GPC5: variants seen among roughly 807,000 people sequenced by gnomAD.
GPC5 encodes the protein glypican 5.
Under a neutral mutation model 53.9 loss-of-function variants are expected in GPC5, and 47 were observed. The ratio of observed to expected loss-of-function variants is 0.87; its 90% CI spans 0.69 to 1.11. GPC5 has a LOEUF of 1.11. Ranked by LOEUF, GPC5 falls within the 50% of genes most tolerant of loss-of-function variation. GPC5 has a pLI of 0.00. For synonymous variants in GPC5, 286 were observed against 263.3 expected (o/e 1.09, Z -0.84); for missense variants, 748 against 713.1 (o/e 1.05, Z -0.56).
intron 6 of GPC5, among the ~76,000 whole-genome samples, chr13:92,084,532 A>G (rs1378717384): frequency 6.6e-6 from 1 of 152,184 alleles, no homozygotes; most frequent in Non-Finnish European, 1.5e-5. Flanking sequence ...AAATATAACC[A>G]GGCTAAGAGC....
chr13:91,528,365 A>T (rs1195455421), intron 2 of GPC5, among the ~76,000 whole-genome samples: 1 of 152,196 alleles, frequency 6.6e-6, no homozygotes, highest in Non-Finnish European at 1.5e-5. Context: ...TCTAGGGTAG[A>T]GGCAAAATGC....
rs1323023652 is a variant in GPC5, at chr13:91,478,822, T to TATATATACACAC, written c.325+29901_325+29902insTATATACACACA. ...ATATATATATATATATATATATATA[T>TATATATACACAC]ACACACACACACATATATATACACA... On this transcript the variant is annotated intron_variant, in intron 2 of 7. Transcript: ENST00000377067. 4.7e-4 allele frequency among the ~76,000 whole-genome samples: 43 copies of TATATATACACAC among 92,164 alleles called. 4 individuals carry two copies. Among genetic ancestry groups the TATATATACACAC allele is most frequent in the Middle Eastern group, 6.2e-3 (1 of 162 alleles). 60.5% of individuals were successfully genotyped at this position (92,164 alleles called of 152,430 possible).
intron 2 of GPC5, among the ~76,000 whole-genome samples, chr13:91,520,311 C>T (rs1452773036): frequency 2.0e-5 from 3 of 152,132 alleles, no homozygotes; most frequent in African/African-American, 7.2e-5. Flanking sequence ...CATGTATCAC[C>T]TTGGCTAGTT....
chr13:91,832,916 G>A (rs950437354), intron 5 of GPC5, among the ~76,000 whole-genome samples: 1 of 152,016 alleles, frequency 6.6e-6, no homozygotes, highest in Non-Finnish European at 1.5e-5. Context: ...AGGAGATAGA[G>A]ACACGAAAAA....
chr13:91,677,454 C>A (rs1331929229), intron 2 of GPC5, among the ~76,000 whole-genome samples: 1 of 152,052 alleles, frequency 6.6e-6, no homozygotes, highest in Non-Finnish European at 1.5e-5. Flanking sequence ...CAATTGGGCA[C>A]TGAGAAAGGT....
intron 7 of GPC5, among the ~76,000 whole-genome samples, chr13:92,427,991 A>G (rs1246285139): frequency 5.9e-5 from 9 of 152,172 alleles, no homozygotes. Flanking sequence ...GTTTTCAGAC[A>G]GCCTGTATCA....
At chr13:91,578,619 AT>A (rs1320569917) in intron 2 of GPC5, among the ~76,000 whole-genome samples, 1 of 151,444 alleles carries the variant, frequency 6.6e-6, no homozygotes, top group African/African-American at 2.4e-5. Flanking sequence ...TTAAATTTTC[AT>A]TTGTTTCTAG....
chr13:92,162,846 G>A (rs1441943835), intron 7 of GPC5, among the ~76,000 whole-genome samples: 8 of 143,850 alleles, frequency 5.6e-5, no homozygotes, highest in Admixed American at 4.0e-4. Context: ...TGCACCTCTT[G>A]AAATGAACTT....
chr13:91,678,652 G>A (rs1296460540), intron 2 of GPC5, among the ~76,000 whole-genome samples: 1 of 151,960 alleles, frequency 6.6e-6, no homozygotes, highest in Non-Finnish European at 1.5e-5. Context: ...ATGACTTGTA[G>A]TGACTAGACA....
At chr13:92,156,824 CAT>C (rs974590569) in intron 7 of GPC5, among the ~76,000 whole-genome samples, 5 of 151,938 alleles carry the variant, frequency 3.3e-5, no homozygotes, top group African/African-American at 9.7e-5. Flanking sequence ...CCCTGATTTA[CAT>C]ATATATGTGT....
At chr13:92,535,780 G>A (rs191824905) in intron 7 of GPC5, among the ~76,000 whole-genome samples, 46 of 151,878 alleles carry the variant, frequency 3.0e-4, no homozygotes, top group Admixed American at 6.6e-4. Flanking sequence ...TTCATTCTAA[G>A]AAACACCACA....
intron 7 of GPC5, among the ~76,000 whole-genome samples, chr13:92,317,894 A>C (rs2043190337): frequency 6.6e-6 from 1 of 152,170 alleles, no homozygotes; most frequent in Non-Finnish European, 1.5e-5. Flanking sequence ...CGACAGTATA[A>C]AAATTTTAAG....
At chr13:91,983,345 CA>C (rs68032615) in intron 6 of GPC5, among the ~76,000 whole-genome samples, 12 of 147,678 alleles carry the variant, frequency 8.1e-5, no homozygotes, top group African/African-American at 7.5e-5. Context: ...GACCCTGTCT[CA>C]AAAAAAAAAG....
chr13:92,402,152 C>G (rs1235555615), intron 7 of GPC5, among the ~76,000 whole-genome samples: 1 of 152,072 alleles, frequency 6.6e-6, no homozygotes, highest in East Asian at 1.9e-4. Flanking sequence ...AGATATGACT[C>G]TAGCCAGAAT....
intron 7 of GPC5, among the ~76,000 whole-genome samples, chr13:92,381,918 A>ATATCATATATCATATATATGATATATAT (rs796383905): frequency 2.2e-5 from 1 of 45,062 alleles, no homozygotes; most frequent in Non-Finnish European, 5.0e-5. Flanking sequence ...TGATATATAT[A>ATATCATATATCATATATATGATATATAT]ATCATATATA....
At chr13:92,634,194 A>G (rs1437366248) in intron 7 of GPC5, among the ~76,000 whole-genome samples, 2 of 152,060 alleles carry the variant, frequency 1.3e-5, no homozygotes, top group Non-Finnish European at 2.9e-5. Context: ...CAGGTTTTTA[A>G]TTGGAATTTA....
At chr13:91,686,024 A>G (rs2035616196) in intron 2 of GPC5, among the ~76,000 whole-genome samples, 1 of 151,924 alleles carries the variant, frequency 6.6e-6, no homozygotes, top group South Asian at 2.1e-4. Flanking sequence ...TGTGAGTAAG[A>G]AACTCTTCCG....
chr13:91,412,823 C>A (rs1012653438), intron 1 of GPC5, among the ~76,000 whole-genome samples: 3 of 152,172 alleles, frequency 2.0e-5, no homozygotes, highest in Admixed American at 6.5e-5. Context: ...ATGCTGAATA[C>A]CCTTTGCCCA....
At chr13:92,506,906 A>G (rs1264747906) in intron 7 of GPC5, among the ~76,000 whole-genome samples, 1 of 152,212 alleles carries the variant, frequency 6.6e-6, no homozygotes, top group East Asian at 1.9e-4. Flanking sequence ...TTGGAATATT[A>G]GAATTATATA....
Sources: allele counts gnomAD v4.1 joint callset (sites outside exome capture counted in the v4.1 genomes callset), GRCh38; gene constraint gnomAD v4.1.1; transcripts MANE v1.5; gene names NCBI Gene and HGNC (gene_info 2026-07-23, HGNC 2026-07-21).